KATNB1: variants seen among roughly 807,000 people sequenced by gnomAD.
The protein encoded by KATNB1 is katanin p80 WD40 repeat-containing subunit B1.
A neutral mutation model predicts 82.3 loss-of-function variants in KATNB1; 38 were observed. That is an observed-to-expected ratio of 0.46 (90% confidence interval 0.36 to 0.61). KATNB1 has a LOEUF of 0.61. KATNB1 is among the 20% of genes least tolerant of loss of function. The pLI, the probability that KATNB1 is intolerant of heterozygous loss-of-function variation, is 0.00. For synonymous variants in KATNB1, 361 were observed against 368.7 expected, an observed-to-expected ratio of 0.98 and a Z score of 0.24; for missense variants, 749 against 915.7, an observed-to-expected ratio of 0.82 and a Z score of 2.35.
chr16:57,739,236 C>A (rs139077401), intron 2 of KATNB1, among the ~76,000 whole-genome samples: 1 of 152,368 alleles, frequency 6.6e-6, no homozygotes, highest in Non-Finnish European at 1.5e-5. Context: ...GCTGCTGCTG[C>A]TGATTTCATG....
At position 57,755,273 on chromosome 16, in the gene KATNB1, G is replaced by T. The variant is rs782669299; in HGVS notation, c.1416+35G>T. 10 of 1,610,484 alleles carry T rather than the reference G, an allele frequency of 6.2e-6. No homozygotes were observed. The African/African-American group carries it at 1.2e-4, about 19-fold the overall frequency. On this transcript the variant is annotated intron_variant, in intron 15 of 19. Coordinates refer to ENST00000379661, the MANE Select transcript of KATNB1 (RefSeq NM_005886.3). The stretch of plus-strand genomic sequence containing the variant: ...AGCCCAGCTCGAGGCATGGGTGGAG[G>T]TCTGTGGGTGGAGGGCAGAGCTTTG...
intron 2 of KATNB1, among the ~76,000 whole-genome samples, chr16:57,740,413 C>T (rs1481083529): frequency 6.6e-6 from 1 of 152,254 alleles, no homozygotes; most frequent in Non-Finnish European, 1.5e-5. Flanking sequence ...TTCCCAACCT[C>T]CTTGTGGTCT....
At chr16:57,743,443 T>C (rs2049157933) in intron 3 of KATNB1, among the ~76,000 whole-genome samples, 2 of 152,216 alleles carry the variant, frequency 1.3e-5, no homozygotes, top group Admixed American at 6.5e-5. Context: ...TTGAATTGTT[T>C]TGTTTTACTT....
intron 19 of KATNB1, 100 bp from the exon 20 acceptor site, chr16:57,756,714 T>G: frequency 1.4e-6 from 2 of 1,432,788 alleles, no homozygotes; most frequent in Non-Finnish European, 1.8e-6. Flanking sequence ...CGCCTTCCCT[T>G]GGGAGGAAGG....
intron 2 of KATNB1, among the ~76,000 whole-genome samples, chr16:57,739,446 G>T (rs1445166484): frequency 1.3e-5 from 2 of 152,204 alleles, no homozygotes; most frequent in African/African-American, 2.4e-5. Flanking sequence ...CCCAGCTTTG[G>T]CTGGATGTGG....
intron 11 of KATNB1, 35 bp from the exon 12 acceptor site, chr16:57,753,354 A>G (rs781801088): frequency 1.3e-6 from 2 of 1,597,034 alleles, no homozygotes; most frequent in South Asian, 2.2e-5. Flanking sequence ...CTCACAGGGC[A>G]CCTGCTTCCG....
At chr16:57,752,757 G>A in intron 9 of KATNB1, 21 bp from the exon 10 acceptor site, 1 of 1,605,144 alleles carries the variant, frequency 6.2e-7, no homozygotes, top group South Asian at 1.1e-5. Context: ...AGGACCCACG[G>A]CCATCTCTCG....
intron 9 of KATNB1, 57 bp downstream of exon 9, chr16:57,752,658 G>A: frequency 6.5e-7 from 1 of 1,545,878 alleles, no homozygotes; most frequent in Non-Finnish European, 8.7e-7. Context: ...GGGCGTGGCT[G>A]TGGGTGGGCC....
intron 18 of KATNB1, 26 bp downstream of exon 18, chr16:57,756,092 C>T: frequency 6.2e-7 from 1 of 1,600,088 alleles, no homozygotes. Flanking sequence ...CCATGCCTGC[C>T]TGAAGCAGGG....
At chr16:57,748,703 T>C (rs1331632046) in intron 4 of KATNB1, among the ~76,000 whole-genome samples, 3 of 150,768 alleles carry the variant, frequency 2.0e-5, no homozygotes, top group Non-Finnish European at 4.4e-5. Context: ...AGGGCAGGAG[T>C]CAAGCCGGAA....
In KATNB1 at chr16:57,757,094, T is replaced by A; in HGVS notation, c.*148T>A. 1 of 835,206 alleles carries A rather than the reference T, an allele frequency of 1.2e-6. No individual in the cohort carries two copies. Among genetic ancestry groups the A allele is most frequent in the Non-Finnish European group, 1.7e-6 (1 of 591,642 alleles). The allele number at this position is 835,206 out of a possible 1,614,324, so 51.7% of individuals were successfully genotyped here. ...TCCTGGAGGAGGTGATGCTGGTCCCTGGCCACCTCTACAGCCCTGAACTCT... is the reference window on the plus strand; with the variant it reads ...TCCTGGAGGAGGTGATGCTGGTCCCAGGCCACCTCTACAGCCCTGAACTCT... On this transcript the variant is annotated 3_prime_UTR_variant, in exon 20 of 20. Coordinates refer to ENST00000379661, the MANE Select transcript of KATNB1 (RefSeq NM_005886.3).
At chr16:57,742,448 T>C (rs77603696) in intron 3 of KATNB1, among the ~76,000 whole-genome samples, 1 of 152,382 alleles carries the variant, frequency 6.6e-6, no homozygotes, top group East Asian at 1.9e-4. Flanking sequence ...TGTGAGTCCT[T>C]CTAGATGCTG....
chr16:57,741,393 T>C (rs1484234943), intron 2 of KATNB1, among the ~76,000 whole-genome samples: 1 of 152,270 alleles, frequency 6.6e-6, no homozygotes, highest in Non-Finnish European at 1.5e-5. Flanking sequence ...AAATTGCGTA[T>C]AACTAGTCAA....
intron 2 of KATNB1, among the ~76,000 whole-genome samples, chr16:57,740,780 G>A (rs930156506): frequency 1.3e-5 from 2 of 152,116 alleles, no homozygotes; most frequent in Non-Finnish European, 2.9e-5. Flanking sequence ...CCTCTGTGTG[G>A]TCAGCCCTCA....
intron 4 of KATNB1, among the ~76,000 whole-genome samples, chr16:57,746,917 T>C (rs2049187842): frequency 6.6e-6 from 1 of 152,250 alleles, no homozygotes; most frequent in Admixed American, 6.5e-5. Flanking sequence ...AGTGTCACTC[T>C]GTCACCCAGG....
chr16:57,738,035 T>C (rs544960871), intron 2 of KATNB1, among the ~76,000 whole-genome samples: 4 of 152,304 alleles, frequency 2.6e-5, no homozygotes, highest in African/African-American at 9.6e-5. Context: ...GCCATCTTAG[T>C]GTTATTGTGA....
chr16:57,752,504 G>C (rs782163028), intron 8 of KATNB1, 26 bp from the exon 9 acceptor site: 11 of 1,553,256 alleles, frequency 7.1e-6, no homozygotes, highest in Middle Eastern at 1.7e-4. Context: ...GATAGGCTTC[G>C]CAGCACAGCT....
chr16:57,737,011 A>G lies in KATNB1; in HGVS notation c.-233A>G, dbSNP rs138866853. 84 of 699,492 alleles carry G rather than the reference A, an allele frequency of 1.2e-4. 1 individual carries two copies. Among genetic ancestry groups the G allele is most frequent in the African/African-American group, 1.2e-3 (66 of 57,288 alleles). The allele number at this position is 699,492 out of a possible 1,614,324, so 43.3% of individuals were successfully genotyped here. A position where few individuals can be genotyped will look rare whatever the true frequency, so the allele number is the denominator to read the frequency against. On this transcript the variant is annotated 5_prime_UTR_variant, in exon 2 of 20. Transcript: ENST00000379661. ...TGAGCTGAGATGGCTCGAGCCTAAC[A>G]TTCCATGATCCAGGATCGTGACAGA...
rs377337385 is a variant in KATNB1 at position 57,755,275 on chromosome 16, C to G, written c.1416+37C>G. 3 of 1,610,530 alleles carry G rather than the reference C, an allele frequency of 1.9e-6. No individual in the cohort carries two copies. In the African/African-American group the frequency reaches 4.0e-5, roughly 21 times the overall value. ...CCCAGCTCGAGGCATGGGTGGAGGT[C>G]TGTGGGTGGAGGGCAGAGCTTTGCT... On this transcript the variant is annotated intron_variant, in intron 15 of 19. Transcript: ENST00000379661.
Sources: gnomAD v4.1 joint callset for allele counts (sites outside exome capture counted in the v4.1 genomes callset) on GRCh38, gnomAD v4.1.1 for gene constraint, MANE v1.5 for transcripts, NCBI Gene and HGNC (gene_info 2026-07-23, HGNC 2026-07-21) for gene names.